MIA2: variants seen among roughly 807,000 people sequenced by gnomAD.
MIA2 encodes melanoma inhibitory activity protein 2.
MIA2 carries 127 observed loss-of-function variants against 167.8 expected under a neutral mutation model. The ratio of observed to expected loss-of-function variants is 0.76; its 90% CI spans 0.66 to 0.88. MIA2 has a LOEUF of 0.88. MIA2 is among the 40% of genes least tolerant of loss of function. The pLI, the probability that MIA2 is intolerant of heterozygous loss-of-function variation, is 0.00. For synonymous variants in MIA2, 552 were observed against 541.9 expected (o/e 1.02, Z -0.26); for missense variants, 1,690 against 1,624.7 (o/e 1.04, Z -0.69).
At chr14:39,308,031 TG>T in intron 17 of MIA2, among the ~76,000 whole-genome samples, 1 of 152,322 alleles carries the variant, frequency 6.6e-6, no homozygotes, top group African/African-American at 2.4e-5. Flanking sequence ...TCTATAGCAC[TG>T]TAGAGTGGTT....
intron 24 of MIA2, among the ~76,000 whole-genome samples, chr14:39,322,750 G>A (rs1027989120): frequency 2.6e-5 from 4 of 152,010 alleles, no homozygotes; most frequent in African/African-American, 9.7e-5. Context: ...TCTTTGTCAA[G>A]TTCCTTTAAA....
chr14:39,359,949 A>G (rs555237557), intron 23 of MIA2, among the ~76,000 whole-genome samples: 1 of 151,432 alleles, frequency 6.6e-6, no homozygotes, highest in East Asian at 1.9e-4. Context: ...ATTCCTACCA[A>G]CAGTGTATAA....
chr14:39,292,562 T>C (rs1051771968), intron 10 of MIA2: 5 of 162,212 alleles, frequency 3.1e-5, no homozygotes, highest in Non-Finnish European at 6.9e-5. Flanking sequence ...TATTCAAATT[T>C]GGGGTAATAT....
intron 6 of MIA2, among the ~76,000 whole-genome samples, chr14:39,270,780 A>G (rs753540046): frequency 6.6e-6 from 1 of 152,226 alleles, no homozygotes; most frequent in South Asian, 2.1e-4. Context: ...GGAAATGTCT[A>G]TTGATTTCCT....
intron 21 of MIA2, among the ~76,000 whole-genome samples, chr14:39,317,578 C>T (rs540454113): frequency 6.6e-6 from 1 of 152,182 alleles, no homozygotes; most frequent in Non-Finnish European, 1.5e-5. Context: ...ATAATAAAGT[C>T]TCAACTACAC....
chr14:39,385,876 G>C (rs1233774334), intron 23 of MIA2: 1 of 959,098 alleles, frequency 1.0e-6, no homozygotes, highest in Non-Finnish European at 1.7e-6. Flanking sequence ...CCGTCCCCTA[G>C]CTCCCTTTCA....
intron 12 of MIA2, 89 bp from the exon 13 acceptor site, chr14:39,294,836 G>A (rs1452969584): frequency 1.1e-6 from 1 of 875,382 alleles, no homozygotes; most frequent in Non-Finnish European, 1.9e-6. Context: ...TTTTGCCTTT[G>A]TTTAATTCTG....
chr14:39,239,373 A>G (rs919203337), intron 2 of MIA2, among the ~76,000 whole-genome samples: 6 of 111,486 alleles, frequency 5.4e-5, no homozygotes, highest in Non-Finnish European at 1.0e-4. Flanking sequence ...TAGCAAGAAT[A>G]CACACACACA....
At chr14:39,286,334 A>G (rs955558921) in intron 9 of MIA2, among the ~76,000 whole-genome samples, 2 of 152,072 alleles carry the variant, frequency 1.3e-5, no homozygotes, top group Non-Finnish European at 2.9e-5. Flanking sequence ...AATTGCAGGC[A>G]CTCGGCAGGC....
intron 23 of MIA2, among the ~76,000 whole-genome samples, chr14:39,366,538 G>T (rs1400031699): frequency 2.6e-5 from 4 of 152,344 alleles, no homozygotes; most frequent in East Asian, 3.9e-4. Flanking sequence ...GATGTTAGTG[G>T]CAGGCTAAGT....
At chr14:39,257,943 A>G (rs1270700499) in intron 6 of MIA2, among the ~76,000 whole-genome samples, 1 of 152,210 alleles carries the variant, frequency 6.6e-6, no homozygotes, top group African/African-American at 2.4e-5. Flanking sequence ...GGATTTCTGC[A>G]GAGAGATCTG....
chr14:39,302,340 T>C, intron 15 of MIA2, 91 bp downstream of exon 15: 1 of 1,429,750 alleles, frequency 7.0e-7, no homozygotes, highest in Non-Finnish European at 9.6e-7. Context: ...GTTCTTTATA[T>C]GCTTTTACTT....
rs866420100 is a variant in MIA2, at chr14:39,328,071, C to G, written c.3655+1049C>G. Among the ~76,000 whole-genome samples the G allele has an allele frequency of 7.2e-5, 11 of 152,262 alleles. No homozygotes were observed. In the South Asian group the frequency reaches 8.3e-4, roughly 11 times the overall value. On this transcript the variant is annotated intron_variant, in intron 25 of 28. Coordinates refer to ENST00000640607, the MANE Select transcript of MIA2 (RefSeq NM_001329214.4). The stretch of plus-strand genomic sequence containing the variant: ...CTGTCTTCCACAATGGTTGAACTAA[C>G]TTACACTCCCACTAACAGTGTAAAG...
In MIA2 at chr14:39,300,002, G is replaced by C; in HGVS notation, c.2619+16G>C. The C allele has an allele frequency of 6.4e-7, 1 of 1,573,254 alleles. No individual in the cohort carries two copies. Among genetic ancestry groups the C allele is most frequent in the Non-Finnish European group, 8.6e-7 (1 of 1,167,082 alleles). On this transcript the variant is annotated intron_variant, in intron 14 of 28. Coordinates refer to ENST00000640607, the MANE Select transcript of MIA2 (RefSeq NM_001329214.4). ...TCACATCAAGGTAAATGGCTCTACT[G>C]GTTTTAGTGATCAAGTTGGCTAGAA...
chr14:39,340,101 C>A (rs1333600426), intron 25 of MIA2, among the ~76,000 whole-genome samples: 1 of 152,152 alleles, frequency 6.6e-6, no homozygotes, highest in African/African-American at 2.4e-5. Context: ...CCTTGGCCTC[C>A]CAAAGTGCTG....
chr14:39,329,011 T>C (rs1345140411), intron 25 of MIA2, among the ~76,000 whole-genome samples: 4 of 152,178 alleles, frequency 2.6e-5, no homozygotes, highest in South Asian at 2.1e-4. Context: ...AGAAAGTCAG[T>C]GGTAGCTTGA....
intron 3 of MIA2, among the ~76,000 whole-genome samples, chr14:39,243,913 C>A (rs560641339): frequency 6.6e-6 from 1 of 152,154 alleles, no homozygotes; most frequent in Non-Finnish European, 1.5e-5. Context: ...ACAGAGGAAA[C>A]TGTCCATTTT....
intron 23 of MIA2, among the ~76,000 whole-genome samples, chr14:39,356,485 T>A (rs1020985975): frequency 1.3e-5 from 2 of 152,236 alleles, no homozygotes; most frequent in South Asian, 4.1e-4. Context: ...TCAGTGTTGT[T>A]GATCTTTTCA....
At position 39,350,337 on chromosome 14, in the gene MIA2, G is replaced by A. The variant is rs1177516834; in HGVS notation, c.*73G>A. 9.7e-6 allele frequency: 6 copies of A among 617,066 alleles called. No individual in the cohort carries two copies. The South Asian group carries it at 2.0e-4, about 21-fold the overall frequency. The allele number at this position is 617,066 out of a possible 1,614,324, so 38.2% of individuals were successfully genotyped here. On this transcript the variant is annotated 3_prime_UTR_variant, in exon 29 of 29. Coordinates refer to ENST00000640607, the MANE Select transcript of MIA2 (RefSeq NM_001329214.4). ...AGTTTAAGTAACTGCTGTTACTTAA[G>A]TGATTACACTTTTGCTCAAATTGAA...
Sources: gnomAD v4.1 joint callset for allele counts (sites outside exome capture counted in the v4.1 genomes callset) on GRCh38, gnomAD v4.1.1 for gene constraint, MANE v1.5 for transcripts, NCBI Gene and HGNC (gene_info 2026-07-23, HGNC 2026-07-21) for gene names.